Variants in DBNDD2 observed in about 807,000 individuals in gnomAD.
DBNDD2 encodes dysbindin domain containing 2.
Under a neutral mutation model 14.0 loss-of-function variants are expected in DBNDD2, and 8 were observed. The observed-to-expected ratio is 0.57, with a 90% CI of 0.33 to 1.03. DBNDD2 has a LOEUF of 1.03. DBNDD2 is among the 50% of genes least tolerant of loss of function. The pLI is 0.03. For synonymous variants in DBNDD2, 94 were observed against 85.3 expected, an observed-to-expected ratio of 1.10 and a Z score of -0.56; for missense variants, 194 against 206.0, an observed-to-expected ratio of 0.94 and a Z score of 0.36.
chr20:45,406,252 TCGGGTG>T (rs982685178), upstream of DBNDD2: 6 of 542,336 alleles, frequency 1.1e-5, no homozygotes, highest in African/African-American at 1.2e-4. Flanking sequence ...GAGGCAGGGT[TCGGGTG>T]CGTAGTCGTT....
At position 45,410,010 on chromosome 20, in the gene DBNDD2, C is replaced by A. The variant is rs1989756576; in HGVS notation, c.356C>A (p.Ser119Tyr). The change falls in exon 3 of 3, where the codon TCC becomes TAC. Residue 119 changes from serine to tyrosine, a missense_variant. By Grantham distance (144) the Ser-to-Tyr change is moderately radical. Coordinates refer to ENST00000372710, the MANE Select transcript of DBNDD2 (RefSeq NM_001048225.4). Reference protein sequence around the residue: ...DRTTSRTSSSSSSDSSTNLHS... With the variant: ...DRTTSRTSSSYSSDSSTNLHS... ...ACCACATCTAGGACCTCCTCCTCCTCCTCCTCCGACTCCTCCACCAACCTG... is the reference window on the plus strand; with the variant it reads ...ACCACATCTAGGACCTCCTCCTCCTACTCCTCCGACTCCTCCACCAACCTG... 3 of 1,551,944 alleles carry A rather than the reference C, an allele frequency of 1.9e-6. No homozygotes were observed. Among genetic ancestry groups the A allele is most frequent in the Non-Finnish European group, 1.7e-6 (2 of 1,147,112 alleles).
upstream of DBNDD2, among the ~76,000 whole-genome samples, chr20:45,406,941 C>A (rs937696017): frequency 6.6e-6 from 1 of 152,176 alleles, no homozygotes; most frequent in Non-Finnish European, 1.5e-5. Context: ...GGCTCCTGCC[C>A]GGCCCCTGGC....
At position 45,408,421 on chromosome 20, in the gene DBNDD2, G is replaced by T; in HGVS notation, c.-47G>T. 1 of 1,614,164 alleles carries T rather than the reference G, an allele frequency of 6.2e-7. No individual in the cohort carries two copies. The highest frequency in any genetic ancestry group is 1.3e-5 in the African/African-American group (1 of 75,056). On this transcript the variant is annotated 5_prime_UTR_variant, in exon 1 of 3. Transcript: ENST00000372710. ...CCAGGTCCCCTCTGTCTTCTCTTTCGACTTTGCAGCTGTACTTGTTTTGCT... is the reference window on the plus strand; with the variant it reads ...CCAGGTCCCCTCTGTCTTCTCTTTCTACTTTGCAGCTGTACTTGTTTTGCT...
intron 1 of DBNDD2, 75 bp downstream of exon 1, chr20:45,408,681 ACT>A: frequency 6.3e-7 from 1 of 1,578,288 alleles, no homozygotes; most frequent in Non-Finnish European, 8.6e-7. Context: ...ATCTTGTGGC[ACT>A]CTCTCCCCTC....
upstream of DBNDD2, chr20:45,407,491 A>G: frequency 1.0e-6 from 1 of 985,900 alleles, no homozygotes; most frequent in Non-Finnish European, 1.2e-6. Context: ...CTCAGAGCAG[A>G]ACGCCGGGAA....
In DBNDD2 at chr20:45,408,376, T is replaced by C. The variant is rs1989603537; in HGVS notation, c.-92T>C. 1 of 1,613,118 alleles carries C rather than the reference T, an allele frequency of 6.2e-7. No homozygotes were observed. The highest frequency in any genetic ancestry group is 2.2e-5 in the East Asian group (1 of 44,874). On this transcript the variant is annotated 5_prime_UTR_variant, in exon 1 of 3. Transcript: ENST00000372710. The stretch of plus-strand genomic sequence containing the variant: ...GGGGCCCCACTGTTGGGATGCTGGC[T>C]GCAGTGGGGCGCCCCAAGCCCAGGT...
Position 45,408,390 on chromosome 20 carries a change from C to G in DBNDD2, c.-78C>G, listed in dbSNP as rs752196838. 1 of 1,613,612 alleles carries G rather than the reference C, an allele frequency of 6.2e-7. No individual in the cohort carries two copies. The highest frequency in any genetic ancestry group is 8.5e-7 in the Non-Finnish European group (1 of 1,179,962). ...GGGATGCTGGCTGCAGTGGGGCGCC[C>G]CAAGCCCAGGTCCCCTCTGTCTTCT... On this transcript the variant is annotated 5_prime_UTR_variant, in exon 1 of 3. Coordinates refer to ENST00000372710, the MANE Select transcript of DBNDD2 (RefSeq NM_001048225.4).
chr20:45,407,267 C>A (rs939338555), upstream of DBNDD2: 4 of 970,306 alleles, frequency 4.1e-6, no homozygotes, highest in African/African-American at 3.5e-5. Context: ...GTCAGCGCCT[C>A]GCTCCTCCGC....
chr20:45,408,878 C>T lies in DBNDD2; in HGVS notation c.217C>T (p.Pro73Ser). ...AGTAGAACTTATTGACCTTGGGGAC[C>T]CGGATGCAGCAGATGTGTTCTTGCC... is the stretch of plus-strand genomic sequence containing the variant. Reference protein sequence around the residue: ...EQVELIDLGDPDAADVFLPCE... With the variant: ...EQVELIDLGDSDAADVFLPCE... The change falls in exon 2 of 3, where the codon CCG becomes TCG. Residue 73 changes from proline (P) to serine (S), a missense_variant. Coordinates refer to ENST00000372710, the MANE Select transcript of DBNDD2 (RefSeq NM_001048225.4). 3.1e-6 allele frequency: 5 copies of T among 1,614,186 alleles called. No homozygotes were observed. The highest frequency in any genetic ancestry group is 4.2e-6 in the Non-Finnish European group (5 of 1,180,048).
At chr20:45,406,367 G>C (rs1989374647), upstream of DBNDD2, 2 of 1,298,750 alleles carry the variant, frequency 1.5e-6, no homozygotes, top group African/African-American at 3.1e-5. Context: ...GGCGCAGCAA[G>C]TGCATCCGAG....
chr20:45,407,462 CCTTG>C (rs1233931771), upstream of DBNDD2: 2 of 985,654 alleles, frequency 2.0e-6, no homozygotes, highest in African/African-American at 3.5e-5. Context: ...CTAGAAACTC[CCTTG>C]CCTCTGGTGA....
upstream of DBNDD2, chr20:45,408,273 A>G: frequency 6.4e-7 from 1 of 1,554,736 alleles, no homozygotes; most frequent in African/African-American, 1.4e-5. Context: ...TCTGCATGAG[A>G]CTTGGTTTGT....
At chr20:45,409,044 C>T in intron 2 of DBNDD2, 106 bp downstream of exon 2, 1 of 1,608,098 alleles carries the variant, frequency 6.2e-7, no homozygotes, top group East Asian at 2.2e-5. Flanking sequence ...CAAGTAAGGG[C>T]TGGAAGTGGG....
At chr20:45,408,256 C>T, upstream of DBNDD2, 1 of 1,551,814 alleles carries the variant, frequency 6.4e-7, no homozygotes, top group Non-Finnish European at 8.7e-7. Flanking sequence ...TTAGGGCAAG[C>T]CCCGCCTCTG....
chr20:45,406,293 A>G (rs1989365465), upstream of DBNDD2: 5 of 613,794 alleles, frequency 8.1e-6, no homozygotes, highest in Non-Finnish European at 1.4e-5. Context: ...CAAAAGGCGC[A>G]GAGCATCAAG....
Position 45,408,349 on chromosome 20 carries a change from C to T in DBNDD2, c.-119C>T. 1.2e-6 allele frequency: 2 copies of T among 1,610,622 alleles called. No individual in the cohort carries two copies. Among genetic ancestry groups the T allele is most frequent in the Non-Finnish European group, 8.5e-7 (1 of 1,178,722 alleles). The stretch of plus-strand genomic sequence containing the variant: ...AGGGCAGAGGTGTCCAGGCCGGAGC[C>T]AGGGGCCCCACTGTTGGGATGCTGG... On this transcript the variant is annotated 5_prime_UTR_variant, in exon 1 of 3. Transcript: ENST00000372710.
At position 45,409,945 on chromosome 20, in the gene DBNDD2, T is replaced by C; in HGVS notation, c.291T>C (p.His97=). 1 of 1,551,666 alleles carries C rather than the reference T, an allele frequency of 6.4e-7. No individual in the cohort carries two copies. Among genetic ancestry groups the C allele is most frequent in the South Asian group, 1.2e-5 (1 of 84,062 alleles). The change falls in exon 3 of 3, where the codon CAT becomes CAC. Residue 97 remains histidine (H), a synonymous_variant. Transcript: ENST00000372710. ...PTPQSSGMDN[H]LEELSLPVPT... The stretch of plus-strand genomic sequence containing the variant: ...CTCTCTGGGCAGGGATGGACAACCA[T>C]TTGGAGGAGCTGAGCCTGCCGGTGC...
At chr20:45,406,256 G>A (rs909150241), upstream of DBNDD2, 22 of 548,586 alleles carry the variant, frequency 4.0e-5, 1 homozygote, top group South Asian at 5.0e-4. Context: ...CAGGGTTCGG[G>A]TGCGTAGTCG....
intron 1 of DBNDD2, 72 bp from the exon 2 acceptor site, chr20:45,408,729 C>T: frequency 6.3e-7 from 1 of 1,581,920 alleles, no homozygotes; most frequent in Non-Finnish European, 8.7e-7. Flanking sequence ...TAACTTGGGA[C>T]CTGACATGTA....
Sources: allele counts gnomAD v4.1 joint callset (sites outside exome capture counted in the v4.1 genomes callset), GRCh38; gene constraint gnomAD v4.1.1; transcripts MANE v1.5; gene names NCBI Gene and HGNC (gene_info 2026-07-23, HGNC 2026-07-21).